The following PPM1H variants were observed in gnomAD, a reference collection of about 807,000 sequenced individuals.
PPM1H encodes protein phosphatase 1H.
In PPM1H, 27 loss-of-function variants were observed where a neutral mutation model predicts 54.9. The observed-to-expected ratio is 0.49, with a 90% CI of 0.36 to 0.68. The LOEUF is 0.68. PPM1H is among the 30% of genes least tolerant of loss of function. The pLI is 0.00. For missense variants in PPM1H, 596 were observed against 667.8 expected (o/e 0.89, Z 1.19); for synonymous variants, 305 against 270.8 (o/e 1.13, Z -1.24).
intron 1 of PPM1H, among the ~76,000 whole-genome samples, chr12:62,892,544 T>C (rs1285416576): frequency 1.3e-5 from 2 of 152,248 alleles, no homozygotes; most frequent in African/African-American, 4.8e-5. Context: ...TTACATCCTG[T>C]TGCTCTACTT....
intron 4 of PPM1H, chr12:62,755,631 G>T: frequency 1.5e-6 from 1 of 654,732 alleles, no homozygotes. Context: ...TGGGCATGAA[G>T]CATGAGAAGT....
Position 62,718,173 on chromosome 12 carries a change from T to TC in PPM1H, c.1073+1997dup, listed in dbSNP as rs543744145. On this transcript the variant is annotated intron_variant, in intron 6 of 9. Coordinates refer to ENST00000228705, the MANE Select transcript of PPM1H (RefSeq NM_020700.2). ...TCAGGCACAGGACTAGGCACTGGTG[T>TC]CCCCCTCAAGGAGCCTACAGACTTG... is the stretch of plus-strand genomic sequence containing the variant. Among the ~76,000 whole-genome samples, 4 of 152,294 alleles carry TC rather than the reference T, an allele frequency of 2.6e-5. No individual in the cohort carries two copies. The East Asian group carries it at 5.8e-4, about 22-fold the overall frequency.
chr12:62,710,634 G>C (rs2076201792), intron 6 of PPM1H, among the ~76,000 whole-genome samples: 1 of 151,922 alleles, frequency 6.6e-6, no homozygotes, highest in African/African-American at 2.4e-5. Flanking sequence ...CTGTAGTGAT[G>C]GTGTCTCTTC....
intron 2 of PPM1H, among the ~76,000 whole-genome samples, chr12:62,803,511 T>G (rs778601656): frequency 6.6e-6 from 1 of 152,196 alleles, no homozygotes; most frequent in African/African-American, 2.4e-5. Flanking sequence ...AGAATGAAAT[T>G]GGGCCCTATT....
chr12:62,889,898 C>T (rs1274469125), intron 1 of PPM1H, among the ~76,000 whole-genome samples: 1 of 152,098 alleles, frequency 6.6e-6, no homozygotes, highest in Non-Finnish European at 1.5e-5. Flanking sequence ...GTCAAAGGTA[C>T]GATCTCTGAA....
At chr12:62,905,146 A>G (rs1871268375) in intron 1 of PPM1H, among the ~76,000 whole-genome samples, 1 of 152,214 alleles carries the variant, frequency 6.6e-6, no homozygotes, top group African/African-American at 2.4e-5. Context: ...ACAACAATTA[A>G]ATGAGACAGT....
chr12:62,829,253 C>A (rs1345948365), intron 2 of PPM1H, among the ~76,000 whole-genome samples: 1 of 152,118 alleles, frequency 6.6e-6, no homozygotes, highest in African/African-American at 2.4e-5. Context: ...TGAAATAAGC[C>A]AGGCACAAAA....
In PPM1H at chr12:62,804,025, A is replaced by T. The variant is rs368152553; in HGVS notation, c.412-1865T>A. The stretch of plus-strand genomic sequence containing the variant: ...GAAATTAAGGACCTTCCCCAACCAG[A>T]TAAGGGGCATCTAGGGAAAACCTTT... On this transcript the variant is annotated intron_variant, in intron 2 of 9. Coordinates refer to ENST00000228705, the MANE Select transcript of PPM1H (RefSeq NM_020700.2). Among the ~76,000 whole-genome samples, 222 of 152,298 alleles carry T rather than the reference A, an allele frequency of 1.5e-3. 3 individuals carry two copies. Among genetic ancestry groups the T allele is most frequent in the African/African-American group, 4.5e-3 (189 of 41,564 alleles).
At chr12:62,817,999 C>T (rs915224668) in intron 2 of PPM1H, among the ~76,000 whole-genome samples, 2 of 152,174 alleles carry the variant, frequency 1.3e-5, no homozygotes, top group Admixed American at 6.5e-5. Flanking sequence ...CTAAATTAAA[C>T]AACACAAGGG....
chr12:62,895,874 C>T (rs1205819585), intron 1 of PPM1H, among the ~76,000 whole-genome samples: 1 of 152,132 alleles, frequency 6.6e-6, no homozygotes, highest in African/African-American at 2.4e-5. Context: ...GCCTGCAGAA[C>T]CATGAGCCAA....
chr12:62,889,702 C>T lies in PPM1H; in HGVS notation c.245+44790G>A, dbSNP rs182330831. Among the ~76,000 whole-genome samples the T allele has an allele frequency of 2.2e-3, 336 of 152,156 alleles. 1 individual carries two copies. The highest frequency in any genetic ancestry group is 7.9e-3 in the African/African-American group (329 of 41,512). ...CAGATAATCTTTTCAACAAACCGTGCTGGAACAACTAGAAATCCACATGCA... is the reference window on the plus strand; with the variant it reads ...CAGATAATCTTTTCAACAAACCGTGTTGGAACAACTAGAAATCCACATGCA... On this transcript the variant is annotated intron_variant, in intron 1 of 9. Coordinates refer to ENST00000228705, the MANE Select transcript of PPM1H (RefSeq NM_020700.2).
intron 4 of PPM1H, among the ~76,000 whole-genome samples, chr12:62,784,054 A>G (rs565442115): frequency 1.4e-4 from 21 of 152,256 alleles, no homozygotes; most frequent in South Asian, 4.1e-4. Context: ...AAATCCGCCC[A>G]CCATCTGCTT....
chr12:62,908,659 C>G (rs186814398), intron 1 of PPM1H, among the ~76,000 whole-genome samples: 13 of 151,954 alleles, frequency 8.6e-5, no homozygotes, highest in African/African-American at 3.1e-4. Flanking sequence ...TGCAACCACC[C>G]GAAGGAATGG....
intron 6 of PPM1H, among the ~76,000 whole-genome samples, chr12:62,719,911 T>C (rs2076254457): frequency 6.6e-6 from 1 of 152,156 alleles, no homozygotes; most frequent in Non-Finnish European, 1.5e-5. Context: ...ATTTGCTACA[T>C]GTGAAGTGAG....
rs568822084 is a variant in PPM1H at position 62,812,389 on chromosome 12, A to G, written c.412-10229T>C. On this transcript the variant is annotated intron_variant, in intron 2 of 9. Transcript: ENST00000228705. ...TTAACCTTATTTTTGCTCCAGATAAACATGAGTTAAATGTGTACTCCACTT... is the reference window on the plus strand; with the variant it reads ...TTAACCTTATTTTTGCTCCAGATAAGCATGAGTTAAATGTGTACTCCACTT... Among the ~76,000 whole-genome samples the G allele has an allele frequency of 3.9e-5, 6 of 152,262 alleles. 1 individual carries two copies. Among genetic ancestry groups the G allele is most frequent in the African/African-American group, 1.2e-4 (5 of 41,550 alleles).
intron 1 of PPM1H, among the ~76,000 whole-genome samples, chr12:62,896,905 G>A (rs1010305317): frequency 6.6e-6 from 1 of 152,072 alleles, no homozygotes; most frequent in Non-Finnish European, 1.5e-5. Flanking sequence ...ATACACTATG[G>A]AATACTATGC....
chr12:62,753,472 C>T lies in PPM1H; in HGVS notation c.870-15886G>A, dbSNP rs144255872. ...TGCCCAAATCTAACTAAGGGATGAA[C>T]ATCTAACATCTTTCCACCTTTCTAC... On this transcript the variant is annotated intron_variant, in intron 4 of 9. Transcript: ENST00000228705. 9.8e-5 allele frequency among the ~76,000 whole-genome samples: 15 copies of T among 152,342 alleles called. No homozygotes were observed. The East Asian group carries it at 2.9e-3, about 29-fold the overall frequency.
intron 1 of PPM1H, among the ~76,000 whole-genome samples, chr12:62,920,600 G>A (rs1452713400): frequency 2.7e-5 from 4 of 148,120 alleles, no homozygotes; most frequent in Non-Finnish European, 4.5e-5. Flanking sequence ...GGGATTATAG[G>A]CATGAGCCAT....
At chr12:62,737,786 G>C (rs944632152) in intron 4 of PPM1H, among the ~76,000 whole-genome samples, 200 bp from the exon 5 acceptor site, 1 of 152,126 alleles carries the variant, frequency 6.6e-6, no homozygotes, top group African/African-American at 2.4e-5. Flanking sequence ...TTGCATTCTA[G>C]TTAGCTTATG....
Sources: allele counts gnomAD v4.1 joint callset (sites outside exome capture counted in the v4.1 genomes callset), GRCh38; gene constraint gnomAD v4.1.1; transcripts MANE v1.5; gene names NCBI Gene and HGNC (gene_info 2026-07-23, HGNC 2026-07-21).